The following OR4P4 variants were observed in gnomAD, a reference collection of about 807,000 sequenced individuals.
OR4P4 encodes the protein olfactory receptor family 4 subfamily P member 4.
Under a neutral mutation model 2.1 loss-of-function variants are expected in OR4P4, and 1 was observed. The observed-to-expected ratio is 0.47, with a 90% CI of 0.17 to 2.21. The LOEUF (loss-of-function observed/expected upper bound fraction) is 2.21, where lower values mean the gene tolerates loss of function less well. Ranked by LOEUF, OR4P4 falls within the 30% of genes most tolerant of loss-of-function variation. The pLI, the probability that OR4P4 is intolerant of heterozygous loss-of-function variation, is 0.27. For synonymous variants in OR4P4, 129 were observed against 133.2 expected (o/e 0.97, Z 0.22); for missense variants, 375 against 376.5 (o/e 1.00, Z 0.03).
chr11:55,638,547 C>A lies in OR4P4; in HGVS notation c.190C>A (p.Leu64Ile), dbSNP rs1416828168. 7 of 1,481,356 alleles carry A rather than the reference C, an allele frequency of 4.7e-6. 1 individual carries two copies. The highest frequency in any genetic ancestry group is 5.5e-6 in the Non-Finnish European group (6 of 1,089,128). 91.8% of individuals were successfully genotyped at this position (1,481,356 alleles called of 1,614,324 possible). The change falls in exon 2 of 2, where the codon CTC (leucine) becomes ATC (isoleucine). Residue 64 changes from leucine to isoleucine, a missense_variant. By Grantham distance (5) the Leu-to-Ile change is conservative. Transcript: ENST00000641760. ...ACCCATGTATTTCTTCCTCAATTAC[C>A]TCTCACTCTCCGACCTTTGCTACAC...
In OR4P4 at chr11:55,638,332, C is replaced by G. The variant is rs759164791; in HGVS notation, c.-26C>G. The G allele has an allele frequency of 4.0e-6, 4 of 1,010,410 alleles. 1 individual carries two copies. The East Asian group carries it at 1.1e-4, about 29-fold the overall frequency. 62.6% of individuals were successfully genotyped at this position (1,010,410 alleles called of 1,614,324 possible). ...TTATAAATTATGTCATTTCAGGTGACTTATATGTTCTATCTACACTGGACC... is the reference window on the plus strand; with the variant it reads ...TTATAAATTATGTCATTTCAGGTGAGTTATATGTTCTATCTACACTGGACC... On this transcript the variant is annotated 5_prime_UTR_variant, in exon 2 of 2. Transcript: ENST00000641760.
chr11:55,638,155 A>C lies in OR4P4; in HGVS notation c.-30-173A>C, dbSNP rs1242837470. On this transcript the variant is annotated intron_variant, in intron 1 of 1. Coordinates refer to ENST00000641760, the Ensembl canonical transcript of OR4P4. ...GCTAGAGAGCTAATGGAAATCATCT[A>C]GTATATATATACATGGAGAGTCTTA... Among the ~76,000 whole-genome samples, 2 of 137,340 alleles carry C rather than the reference A, an allele frequency of 1.5e-5. 1 individual carries two copies. Among genetic ancestry groups the C allele is most frequent in the Non-Finnish European group, 3.2e-5 (2 of 61,796 alleles). The allele number at this position is 137,340 out of a possible 152,430, so 90.1% of individuals were successfully genotyped here.
In OR4P4 at chr11:55,637,864, A is replaced by T. The variant is rs1176672029; in HGVS notation, c.-30-464A>T. Among the ~76,000 whole-genome samples the T allele has an allele frequency of 2.2e-5, 3 of 138,330 alleles. 1 individual carries two copies. Among genetic ancestry groups the T allele is most frequent in the East Asian group, 2.4e-4 (1 of 4,232 alleles). The allele number at this position is 138,330 out of a possible 152,430, so 90.7% of individuals were successfully genotyped here. Reference sequence around the variant, plus strand: ...TTATGCAATCAAATCCCATTTGTTGATATCAATATTGCTAATGCTTAGTGC... The same window carrying T: ...TTATGCAATCAAATCCCATTTGTTGTTATCAATATTGCTAATGCTTAGTGC... On this transcript the variant is annotated intron_variant, in intron 1 of 1. Transcript: ENST00000641760.
rs927787564 is a variant in OR4P4 at position 55,637,143 on chromosome 11, T to C, written c.-30-1185T>C. Among the ~76,000 whole-genome samples the C allele has an allele frequency of 2.2e-4, 31 of 138,294 alleles. 2 individuals carry two copies. Among genetic ancestry groups the C allele is most frequent in the African/African-American group, 7.2e-4 (29 of 40,058 alleles). The allele number at this position is 138,294 out of a possible 152,430, so 90.7% of individuals were successfully genotyped here. ...AATTATAGGGATTCAAATTACGTTGTTAGTAAACTTACAGTAAATGAAGAC... is the reference window on the plus strand; with the variant it reads ...AATTATAGGGATTCAAATTACGTTGCTAGTAAACTTACAGTAAATGAAGAC... On this transcript the variant is annotated intron_variant, in intron 1 of 1. Transcript: ENST00000641760.
In OR4P4 at chr11:55,635,942, G is replaced by T. The variant is rs1858383938; in HGVS notation, c.-31+726G>T. Among the ~76,000 whole-genome samples, 2 of 137,310 alleles carry T rather than the reference G, an allele frequency of 1.5e-5. 1 individual carries two copies. Among genetic ancestry groups the T allele is most frequent in the Non-Finnish European group, 3.2e-5 (2 of 61,604 alleles). The allele number at this position is 137,310 out of a possible 152,430, so 90.1% of individuals were successfully genotyped here. A position where few individuals can be genotyped will look rare whatever the true frequency, so the allele number is the denominator to read the frequency against. On this transcript the variant is annotated intron_variant, in intron 1 of 1. Transcript: ENST00000641760. ...CATATTCTAGAAAAATAAGATAAATGTCAACAGATAATAGCACCTACTTTC... is the reference window on the plus strand; with the variant it reads ...CATATTCTAGAAAAATAAGATAAATTTCAACAGATAATAGCACCTACTTTC...
Position 55,639,501 on chromosome 11 carries a change from G to A in OR4P4, c.*205G>A, listed in dbSNP as rs549362883. 19 of 413,172 alleles carry A rather than the reference G, an allele frequency of 4.6e-5. 2 individuals are homozygous for A. In the South Asian group the frequency reaches 6.8e-4, roughly 15 times the overall value. The allele number at this position is 413,172 out of a possible 1,614,324, so 25.6% of individuals were successfully genotyped here. On this transcript the variant is annotated 3_prime_UTR_variant, in exon 2 of 2. Coordinates refer to ENST00000641760, the Ensembl canonical transcript of OR4P4. Reference sequence around the variant, plus strand: ...CTCCTCCGCCTTTCTTAATCATTACGATTGTGCTTATGTGACATGAAATAA... The same window carrying A: ...CTCCTCCGCCTTTCTTAATCATTACAATTGTGCTTATGTGACATGAAATAA...
In OR4P4 at chr11:55,639,500, C is replaced by T. The variant is rs1159353125; in HGVS notation, c.*204C>T. The T allele has an allele frequency of 3.1e-5, 13 of 412,990 alleles. 3 individuals are homozygous for T. The highest frequency in any genetic ancestry group is 5.5e-5 in the Non-Finnish European group (13 of 235,428). The allele number at this position is 412,990 out of a possible 1,614,324, so 25.6% of individuals were successfully genotyped here. Reference sequence around the variant, plus strand: ...TCTCCTCCGCCTTTCTTAATCATTACGATTGTGCTTATGTGACATGAAATA... The same window carrying T: ...TCTCCTCCGCCTTTCTTAATCATTATGATTGTGCTTATGTGACATGAAATA... On this transcript the variant is annotated 3_prime_UTR_variant, in exon 2 of 2. Transcript: ENST00000641760.
Position 55,638,056 on chromosome 11 carries a change from C to T in OR4P4, c.-30-272C>T, listed in dbSNP as rs1218469597. Among the ~76,000 whole-genome samples the T allele has an allele frequency of 1.5e-4, 21 of 137,348 alleles. 6 individuals are homozygous for T. The highest frequency in any genetic ancestry group is 9.7e-5 in the Non-Finnish European group (6 of 61,878). 90.1% of individuals were successfully genotyped at this position (137,348 alleles called of 152,430 possible). On this transcript the variant is annotated intron_variant, in intron 1 of 1. Transcript: ENST00000641760. Reference sequence around the variant, plus strand: ...ATTAGACTTTGGAAATAAACATTCCCTATGATAGAATTTTAATATTGTTGA... The same window carrying T: ...ATTAGACTTTGGAAATAAACATTCCTTATGATAGAATTTTAATATTGTTGA...
chr11:55,638,762 C>A, exon 2 of OR4P4: 1 of 1,492,254 alleles, frequency 6.7e-7, no homozygotes, highest in Non-Finnish European at 9.1e-7. Context: ...TTATTATGAG[C>A]AGGCAAAAGT....
In OR4P4 at chr11:55,638,541, A is replaced by G; in HGVS notation, c.184A>G (p.Asn62Asp). The G allele has an allele frequency of 2.7e-6, 4 of 1,483,462 alleles. 1 individual carries two copies. The highest frequency in any genetic ancestry group is 3.7e-6 in the Non-Finnish European group (4 of 1,090,996). 91.9% of individuals were successfully genotyped at this position (1,483,462 alleles called of 1,614,324 possible). The change falls in exon 2 of 2, where the codon AAT becomes GAT. Residue 62 changes from asparagine (N) to aspartate (D), a missense_variant. Asn to Asp is a conservative substitution (Grantham distance 23). Transcript: ENST00000641760. ...TCACCAACCCATGTATTTCTTCCTC[A>G]ATTACCTCTCACTCTCCGACCTTTG...
chr11:55,638,339 G>C lies in OR4P4; in HGVS notation c.-19G>C, dbSNP rs374480247. 12 of 1,111,378 alleles carry C rather than the reference G, an allele frequency of 1.1e-5. 1 individual carries two copies. In the African/African-American group the frequency reaches 1.4e-4, roughly 13 times the overall value. The allele number at this position is 1,111,378 out of a possible 1,614,324, so 68.8% of individuals were successfully genotyped here. On this transcript the variant is annotated 5_prime_UTR_variant, in exon 2 of 2. An upstream start codon of the reference 5' UTR is lost. Transcript: ENST00000641760. ...TTATGTCATTTCAGGTGACTTATAT[G>C]TTCTATCTACACTGGACCATGGAAA...
chr11:55,636,929 A>C (rs1175018568), intron 1 of OR4P4, among the ~76,000 whole-genome samples: 1 of 138,066 alleles, frequency 7.2e-6, no homozygotes, highest in Non-Finnish European at 1.6e-5. Context: ...GGCTGAATTA[A>C]GACAAGTAAC....
In OR4P4 at chr11:55,638,749, C is replaced by T; in HGVS notation, c.392C>T (p.Thr131Ile). The stretch of plus-strand genomic sequence containing the variant: ...GCCATTTGCAAGCCCCTGCACTACA[C>T]CATTATTATGAGCAGGCAAAAGTGT... Residue 131 changes from threonine to isoleucine, a missense_variant, in exon 2 of 2, where the codon ACC (threonine) becomes ATC (isoleucine). Physicochemically the swap from Thr to Ile is moderately conservative, Grantham distance 89. Coordinates refer to ENST00000641760, the Ensembl canonical transcript of OR4P4. 3 of 1,492,644 alleles carry T rather than the reference C, an allele frequency of 2.0e-6. 1 individual carries two copies. The highest frequency in any genetic ancestry group is 2.4e-5 in the South Asian group (2 of 84,802). The allele number at this position is 1,492,644 out of a possible 1,614,324, so 92.5% of individuals were successfully genotyped here. A position where few individuals can be genotyped will look rare whatever the true frequency, so the allele number is the denominator to read the frequency against.
Position 55,638,945 on chromosome 11 carries a change from A to G in OR4P4, c.588A>G (p.Leu196=). Residue 196 remains leucine, a synonymous_variant, in exon 2 of 2, where the codon TTA becomes TTG. Transcript: ENST00000641760. Reference sequence around the variant, plus strand: ...CTAATATACACATGATAGGTCTCTTAGTCATTGCTAATTCAGGCTTAATTG... The same window carrying G: ...CTAATATACACATGATAGGTCTCTTGGTCATTGCTAATTCAGGCTTAATTG... The G allele has an allele frequency of 1.7e-5, 25 of 1,485,080 alleles. 5 individuals are homozygous for G. Among genetic ancestry groups the G allele is most frequent in the Non-Finnish European group, 2.2e-5 (24 of 1,092,986 alleles). 92.0% of individuals were successfully genotyped at this position (1,485,080 alleles called of 1,614,324 possible).
chr11:55,636,545 G>GT (rs1179983774), intron 1 of OR4P4, among the ~76,000 whole-genome samples: 1 of 137,670 alleles, frequency 7.3e-6, no homozygotes, highest in Non-Finnish European at 1.6e-5. Context: ...AGTTTATCCC[G>GT]TGTGAGTTTT....
chr11:55,639,092 G>T, exon 2 of OR4P4: 1 of 1,492,658 alleles, frequency 6.7e-7, no homozygotes, highest in Non-Finnish European at 9.1e-7. Flanking sequence ...TAATTGTTGT[G>T]GTCCTGTTTT....
rs1858422267 is a variant in OR4P4, at chr11:55,638,793, T to G, written c.436T>G (p.Cys146Gly). ...AAAGTGTAACACAATCATCATAGTT[T>G]GTTGTACTGGGGGATTTATACATTC... Residue 146 changes from cysteine (C) to glycine (G), a missense_variant, in exon 2 of 2, where the codon TGT (cysteine) becomes GGT (glycine). Coordinates refer to ENST00000641760, the Ensembl canonical transcript of OR4P4. The G allele has an allele frequency of 2.0e-6, 3 of 1,492,612 alleles. 1 individual carries two copies. Among genetic ancestry groups the G allele is most frequent in the Non-Finnish European group, 2.7e-6 (3 of 1,097,572 alleles). 92.5% of individuals were successfully genotyped at this position (1,492,612 alleles called of 1,614,324 possible).
At chr11:55,635,213 A>T (rs1858374503) in exon 1 of OR4P4, 1 of 138,098 alleles carries the variant, frequency 7.2e-6, no homozygotes, top group South Asian at 2.3e-4. Flanking sequence ...GAGGATGCTA[A>T]TTGGTGAGTT....
chr11:55,635,673 G>T (rs906479117), intron 1 of OR4P4, among the ~76,000 whole-genome samples: 1 of 137,758 alleles, frequency 7.3e-6, no homozygotes, highest in Non-Finnish European at 1.6e-5. Context: ...AAAGGAAAAA[G>T]GAAGAGATTC....
Sources: gnomAD v4.1 joint callset for allele counts (sites outside exome capture counted in the v4.1 genomes callset) on GRCh38, gnomAD v4.1.1 for gene constraint, MANE v1.5 for transcripts, NCBI Gene and HGNC (gene_info 2026-07-23, HGNC 2026-07-21) for gene names.